UMAD1: variants seen among roughly 807,000 people sequenced by gnomAD.
UMAD1 encodes the protein UBAP1-MVB12-associated (UMA)-domain containing protein 1.
A neutral mutation model predicts 6.1 loss-of-function variants in UMAD1; 8 were observed. That is an observed-to-expected ratio of 1.30 (90% CI 0.76 to 2.35). The LOEUF (loss-of-function observed/expected upper bound fraction) is 2.35. UMAD1 is among the 30% of genes most tolerant of loss of function. The probability of loss-of-function intolerance (pLI) is 0.00; values close to 1 mark genes in which losing one functional copy is unlikely to be tolerated. For missense variants in UMAD1, 130 were observed against 78.4 expected (o/e 1.66, Z -2.49); for synonymous variants, 56 against 31.4 (o/e 1.78, Z -2.61).
chr7:7,645,442 C>G (rs986864718), intron 1 of UMAD1, among the ~76,000 whole-genome samples: 6 of 152,180 alleles, frequency 3.9e-5, no homozygotes, highest in African/African-American at 1.2e-4. Context: ...CATTCAATAT[C>G]TAGTTCCATA....
intron 2 of UMAD1, among the ~76,000 whole-genome samples, chr7:7,712,780 A>G (rs17136437): frequency 0.051 from 7,823 of 152,246 alleles, 251 homozygotes; most frequent in Middle Eastern, 0.12. Context: ...AATGTTTGCA[A>G]TTGTGAACTA....
intron 2 of UMAD1, among the ~76,000 whole-genome samples, chr7:7,732,415 G>A (rs1006694014): frequency 1.3e-5 from 2 of 152,154 alleles, no homozygotes; most frequent in African/African-American, 4.8e-5. Context: ...TCTAATAGAT[G>A]TGTATAACAT....
intron 2 of UMAD1, among the ~76,000 whole-genome samples, chr7:7,753,266 T>C (rs369297794): frequency 1.3e-4 from 20 of 152,330 alleles, no homozygotes; most frequent in African/African-American, 4.8e-4. Flanking sequence ...ATTTATCCTT[T>C]GTGTTACGAA....
At chr7:7,692,595 C>A (rs1780198602) in intron 2 of UMAD1, 1 of 152,134 alleles carries the variant, frequency 6.6e-6, no homozygotes, top group East Asian at 1.9e-4. Flanking sequence ...CATCAAAACA[C>A]AAGCAAATGC....
chr7:7,798,470 G>A (rs907518101), intron 2 of UMAD1, among the ~76,000 whole-genome samples: 2 of 152,216 alleles, frequency 1.3e-5, no homozygotes, highest in African/African-American at 4.8e-5. Flanking sequence ...CTTTGAAGGA[G>A]CAGAAGGAAG....
intron 2 of UMAD1, among the ~76,000 whole-genome samples, chr7:7,768,051 G>C (rs1045167128): frequency 2.0e-5 from 3 of 151,834 alleles, no homozygotes; most frequent in Non-Finnish European, 2.9e-5. Context: ...TCTTAGAAAG[G>C]CTTCTTTTTA....
At position 7,713,061 on chromosome 7, in the gene UMAD1, G is replaced by A. The variant is rs139547859; in HGVS notation, c.82+39608G>A. Among the ~76,000 whole-genome samples, 294 of 152,036 alleles carry A rather than the reference G, an allele frequency of 1.9e-3. 3 individuals carry two copies. The highest frequency in any genetic ancestry group is 6.8e-3 in the African/African-American group (281 of 41,440). ...CTCATTCAAAAAATATTCTAGGGCC[G>A]CGCGCGGTGGCTCACACCTATAATC... On this transcript the variant is annotated intron_variant, in intron 2 of 3. Coordinates refer to ENST00000682710, the MANE Select transcript of UMAD1 (RefSeq NM_001302348.2).
At chr7:7,850,670 A>G (rs996307402) in intron 3 of UMAD1, among the ~76,000 whole-genome samples, 5 of 152,100 alleles carry the variant, frequency 3.3e-5, no homozygotes, top group Non-Finnish European at 5.9e-5. Context: ...ATGTTTTGAC[A>G]ATTATTAAAC....
intron 2 of UMAD1, among the ~76,000 whole-genome samples, chr7:7,778,486 C>A (rs1383853618): frequency 6.6e-6 from 1 of 150,868 alleles, no homozygotes; most frequent in Non-Finnish European, 1.5e-5. Context: ...TGCAGGGGTG[C>A]GATCACAGCT....
chr7:7,676,257 G>A (rs891976858), intron 2 of UMAD1: 38 of 398,114 alleles, frequency 9.5e-5, no homozygotes, highest in Middle Eastern at 1.2e-3. Flanking sequence ...AAATGAGCAC[G>A]ATATCGGTAC....
chr7:7,710,753 A>G lies in UMAD1; in HGVS notation c.82+37300A>G, dbSNP rs79697400. Among the ~76,000 whole-genome samples the G allele has an allele frequency of 5.2e-3, 794 of 152,336 alleles. 4 individuals carry two copies. Among genetic ancestry groups the G allele is most frequent in the African/African-American group, 0.018 (751 of 41,596 alleles). ...TGCATAAAACTGAGTATTTATAGCA[A>G]TTTTATTCATAATAGACCCAAACTG... On this transcript the variant is annotated intron_variant, in intron 2 of 3. Coordinates refer to ENST00000682710, the MANE Select transcript of UMAD1 (RefSeq NM_001302348.2).
rs143568249 is a variant in UMAD1 at position 7,764,756 on chromosome 7, A to G, written c.83-36914A>G. ...TTACAATATGTGATTCAGTGCATAT[A>G]CTCAAGAACCATTCTTATGTCTTGG... is the stretch of plus-strand genomic sequence containing the variant. On this transcript the variant is annotated intron_variant, in intron 2 of 3. Transcript: ENST00000682710. 6.6e-5 allele frequency among the ~76,000 whole-genome samples: 10 copies of G among 152,300 alleles called. No individual in the cohort carries two copies. In the East Asian group the frequency reaches 1.9e-3, roughly 29 times the overall value.
At chr7:7,808,460 A>G (rs759912940) in intron 3 of UMAD1, among the ~76,000 whole-genome samples, 4 of 152,026 alleles carry the variant, frequency 2.6e-5, no homozygotes, top group Non-Finnish European at 4.4e-5. Flanking sequence ...CTGGAACCGT[A>G]TTAGCTAATA....
intron 2 of UMAD1, among the ~76,000 whole-genome samples, chr7:7,778,282 G>A (rs953630388): frequency 6.7e-6 from 1 of 149,940 alleles, no homozygotes; most frequent in African/African-American, 2.5e-5. Flanking sequence ...GTGTGAGAGA[G>A]AGAGAGAGAG....
chr7:7,819,567 G>A (rs942616388), intron 3 of UMAD1, among the ~76,000 whole-genome samples: 7 of 152,286 alleles, frequency 4.6e-5, no homozygotes, highest in Middle Eastern at 3.4e-3. Context: ...ATAAAGCTAC[G>A]TGTATATTAC....
At chr7:7,790,653 C>G (rs1782551186) in intron 2 of UMAD1, among the ~76,000 whole-genome samples, 1 of 152,178 alleles carries the variant, frequency 6.6e-6, no homozygotes, top group Admixed American at 6.5e-5. Flanking sequence ...AATCTCTTTC[C>G]TGATACGAAC....
chr7:7,725,352 C>T (rs1471347854), intron 2 of UMAD1, among the ~76,000 whole-genome samples: 2 of 152,090 alleles, frequency 1.3e-5, no homozygotes, highest in Admixed American at 6.6e-5. Flanking sequence ...AGCTGCTTTG[C>T]CACTTGGGCC....
chr7:7,680,881 A>G (rs1350481764), intron 2 of UMAD1, among the ~76,000 whole-genome samples: 1 of 151,918 alleles, frequency 6.6e-6, no homozygotes, highest in Admixed American at 6.6e-5. Context: ...TGATTTTTGT[A>G]TGTTGATTTT....
chr7:7,646,883 G>T (rs10254398), intron 1 of UMAD1, among the ~76,000 whole-genome samples: 1 of 151,862 alleles, frequency 6.6e-6, no homozygotes, highest in African/African-American at 2.4e-5. Flanking sequence ...CACAGAATAG[G>T]GGTGACATAT....
Sources: allele counts gnomAD v4.1 joint callset (sites outside exome capture counted in the v4.1 genomes callset), GRCh38; gene constraint gnomAD v4.1.1; transcripts MANE v1.5; gene names NCBI Gene and HGNC (gene_info 2026-07-23, HGNC 2026-07-21).